Variants in TIMM44 observed in about 807,000 individuals in gnomAD.
TIMM44 encodes the protein translocase of inner mitochondrial membrane 44.
TIMM44 carries 37 observed loss-of-function variants against 63.8 expected under a neutral mutation model. The observed-to-expected ratio is 0.58, with a 90% CI of 0.45 to 0.76. The LOEUF (loss-of-function observed/expected upper bound fraction) is 0.76, where lower values mean the gene tolerates loss of function less well. Ranked by LOEUF, TIMM44 falls within the 30% of genes least tolerant of loss-of-function variation. The pLI, the probability that TIMM44 is intolerant of heterozygous loss-of-function variation, is 0.00. For missense variants in TIMM44, 573 were observed against 603.8 expected, an observed-to-expected ratio of 0.95 and a Z score of 0.54; for synonymous variants, 239 against 245.1, an observed-to-expected ratio of 0.98 and a Z score of 0.23.
In TIMM44 at chr19:7,927,252, G is replaced by C. The variant is rs1416690096; in HGVS notation, c.1294C>G (p.Leu432Val). 6.2e-7 allele frequency: 1 copy of C among 1,612,490 alleles called. No individual in the cohort carries two copies. The highest frequency in any genetic ancestry group is 8.5e-7 in the Non-Finnish European group (1 of 1,179,966). ...AGCCGCCAGGCCGCGTAGGGGTTGA[G>C]CTCGTCCTGGTCTCGGCAGAGCGCC... ...VWALCRDQDELNPYAAWRLLD... is the reference protein window; with the variant it reads ...VWALCRDQDEVNPYAAWRLLD... The change falls in exon 13 of 13, where the codon CTC (leucine) becomes GTC (valine). Residue 432 changes from leucine to valine, a missense_variant. By Grantham distance (32) the Leu-to-Val change is conservative. Coordinates refer to ENST00000270538, the MANE Select transcript of TIMM44 (RefSeq NM_006351.4).
Position 7,938,018 on chromosome 19 carries a change from G to A in TIMM44, c.312+9C>T. On this transcript the variant is annotated intron_variant, in intron 3 of 12. Coordinates refer to ENST00000270538, the MANE Select transcript of TIMM44 (RefSeq NM_006351.4). ...GGGTGAGGGAAAAAAAAGCAGCAAA[G>A]AAACTCACGTATTTCCTTCTGGCCT... 2 of 1,613,948 alleles carry A rather than the reference G, an allele frequency of 1.2e-6. No individual in the cohort carries two copies. Among genetic ancestry groups the A allele is most frequent in the Non-Finnish European group, 1.7e-6 (2 of 1,179,944 alleles).
chr19:7,940,978 C>T, intron 2 of TIMM44, 124 bp downstream of exon 2: 1 of 761,256 alleles, frequency 1.3e-6, no homozygotes, highest in Non-Finnish European at 2.3e-6. Flanking sequence ...GCCCCGGACA[C>T]AGAAGGCCCA....
chr19:7,938,042 C>A lies in TIMM44; in HGVS notation c.297G>T (p.Glu99Asp). Residue 99 changes from glutamate to aspartate, a missense_variant, in exon 3 of 13, where the codon GAG (glutamate) becomes GAT (aspartate). Coordinates refer to ENST00000270538, the MANE Select transcript of TIMM44 (RefSeq NM_006351.4). ...AGAAACTCACGTATTTCCTTCTGGC[C>A]TCCTGGAGCACGTCTGATTCTTCTA... The part of the protein sequence containing the change: ...RRLEESDVLQ[E>D]ARRKYKTIES... The A allele has an allele frequency of 6.2e-7, 1 of 1,614,032 alleles. No homozygotes were observed. Among genetic ancestry groups the A allele is most frequent in the Non-Finnish European group, 8.5e-7 (1 of 1,180,008 alleles).
chr19:7,930,433 C>CCA (rs1196948284), intron 10 of TIMM44, among the ~76,000 whole-genome samples: 2 of 151,882 alleles, frequency 1.3e-5, no homozygotes, highest in Non-Finnish European at 2.9e-5. Flanking sequence ...CTCAGCCTCC[C>CCA]CAGTAGCTGG....
At position 7,927,743 on chromosome 19, in the gene TIMM44, G is replaced by A; in HGVS notation, c.1153C>T (p.Gln385Ter). 1 of 1,612,308 alleles carries A rather than the reference G, an allele frequency of 6.2e-7. No homozygotes were observed. The highest frequency in any genetic ancestry group is 8.5e-7 in the Non-Finnish European group (1 of 1,179,998). Residue 385 changes from glutamine (Q) to a stop codon, truncating the protein, a stop_gained, in exon 12 of 13, where the codon CAG becomes TAG. Coordinates refer to ENST00000270538, the MANE Select transcript of TIMM44 (RefSeq NM_006351.4). LOFTEE classifies it high-confidence loss of function. ...AAGGTGATGATCAGCACCGGCCCCTGCTCCATCATCTTGCCCATGGCCAGC... is the reference window on the plus strand; with the variant it reads ...AAGGTGATGATCAGCACCGGCCCCTACTCCATCATCTTGCCCATGGCCAGC... ...VDLAMGKMME[Q>*]GPVLIITFQA...
chr19:7,932,482 C>G, intron 9 of TIMM44, 145 bp downstream of exon 9: 2 of 1,170,218 alleles, frequency 1.7e-6, no homozygotes, highest in South Asian at 1.4e-5. Context: ...TGCAGCCGGG[C>G]AGGAGCCCGT....
chr19:7,942,182 A>G (rs1599653098), intron 1 of TIMM44, among the ~76,000 whole-genome samples: 1 of 152,098 alleles, frequency 6.6e-6, no homozygotes, highest in East Asian at 1.9e-4. Context: ...TCCCGTCTCT[A>G]CCAAAAATAC....
At chr19:7,939,682 G>A (rs997972080) in intron 2 of TIMM44, among the ~76,000 whole-genome samples, 7 of 150,786 alleles carry the variant, frequency 4.6e-5, no homozygotes, top group Admixed American at 6.6e-5. Context: ...TTGGGAGACC[G>A]AGGTGGGCGG....
In TIMM44 at chr19:7,933,924, C is replaced by T. The variant is rs771028040; in HGVS notation, c.623G>A (p.Arg208Gln). 19 of 1,614,042 alleles carry T rather than the reference C, an allele frequency of 1.2e-5. No homozygotes were observed. The Admixed American group carries it at 1.3e-4, about 11-fold the overall frequency. Residue 208 changes from arginine to glutamine, a missense_variant, in exon 6 of 13, where the codon CGG (arginine) becomes CAG (glutamine). Arg to Gln is a conservative substitution (Grantham distance 43). Coordinates refer to ENST00000270538, the MANE Select transcript of TIMM44 (RefSeq NM_006351.4). This position sits in a 1 kb window ranked among gnomAD's most constrained non-coding sequence, Gnocchi z 4.3. The stretch of plus-strand genomic sequence containing the variant: ...ATCTCCCGCAAACTCCGTTCTCTTC[C>T]GGAGTCGCTGGGGCCTCCGGTAGGG... ...TGPYRRPQRLRKRTEFAGDKF... is the reference protein window; with the variant it reads ...TGPYRRPQRLQKRTEFAGDKF...
Position 7,941,095 on chromosome 19 carries a change from C to A in TIMM44, c.141+7G>T. On this transcript the variant is annotated splice_region_variant and intron_variant, in intron 2 of 12. Coordinates refer to ENST00000270538, the MANE Select transcript of TIMM44 (RefSeq NM_006351.4). ...GTCTGCTGGCCCGAGCATCCTGAGTCACTCACCAGTGGCAGCTCTCCGCCC... is the reference window on the plus strand; with the variant it reads ...GTCTGCTGGCCCGAGCATCCTGAGTAACTCACCAGTGGCAGCTCTCCGCCC... 6.2e-7 allele frequency: 1 copy of A among 1,612,742 alleles called. No homozygotes were observed. The highest frequency in any genetic ancestry group is 1.1e-5 in the South Asian group (1 of 91,004).
intron 10 of TIMM44, 36 bp downstream of exon 10, chr19:7,931,102 T>TAAAA: frequency 1.4e-6 from 2 of 1,399,100 alleles, no homozygotes; most frequent in African/African-American, 1.5e-5. Context: ...TTTTAGGCCT[T>TAAAA]AAAAAAAAAA....
chr19:7,932,679 T>C lies in TIMM44; in HGVS notation c.935A>G (p.Lys312Arg). 6.2e-7 allele frequency: 1 copy of C among 1,614,128 alleles called. No homozygotes were observed. Residue 312 changes from lysine (K) to arginine (R), a missense_variant, in exon 9 of 13, where the codon AAG (lysine) becomes AGG (arginine). Coordinates refer to ENST00000270538, the MANE Select transcript of TIMM44 (RefSeq NM_006351.4). ...CTCGCACTGTTTCAGAAACCGGTCC[T>C]TGTCAAAGGCCGGGTCCACCCGGAG... Reference protein sequence around the residue: ...EILRVDPAFDKDRFLKQCEND... With the variant: ...EILRVDPAFDRDRFLKQCEND...
chr19:7,942,136 C>T (rs1444759092), intron 1 of TIMM44, among the ~76,000 whole-genome samples: 1 of 152,134 alleles, frequency 6.6e-6, no homozygotes, highest in South Asian at 2.1e-4. Flanking sequence ...ATCACCCGGT[C>T]AGGAGTTCGA....
At chr19:7,942,335 A>T (rs900319657) in intron 1 of TIMM44, among the ~76,000 whole-genome samples, 1 of 152,034 alleles carries the variant, frequency 6.6e-6, no homozygotes, top group African/African-American at 2.4e-5. Flanking sequence ...CATGCCTGTA[A>T]TCCCGATACT....
In TIMM44 at chr19:7,934,779, TC is replaced by T. The variant is rs1468426834; in HGVS notation, c.393+285del. On this transcript the variant is annotated intron_variant, in intron 4 of 12. Coordinates refer to ENST00000270538, the MANE Select transcript of TIMM44 (RefSeq NM_006351.4). The surrounding 1 kb of genome is among the most constrained non-coding windows in gnomAD (Gnocchi z 5.3). ...CGGGAGGGGGTGGAAGCGGCCCCTC[TC>T]CTCCTATTTTTAGGCAGGAAAAACA... Among the ~76,000 whole-genome samples, 1 of 152,114 alleles carries T rather than the reference TC, an allele frequency of 6.6e-6. No individual in the cohort carries two copies. The highest frequency in any genetic ancestry group is 2.4e-5 in the African/African-American group (1 of 41,428).
intron 10 of TIMM44, among the ~76,000 whole-genome samples, chr19:7,929,218 G>A (rs1176259072): frequency 1.3e-5 from 2 of 152,202 alleles, no homozygotes; most frequent in African/African-American, 4.8e-5. Flanking sequence ...CAGGGACAGG[G>A]AGGCTGCCAG....
At chr19:7,927,392 G>T in intron 12 of TIMM44, 86 bp from the exon 13 acceptor site, 1 of 1,532,648 alleles carries the variant, frequency 6.5e-7, no homozygotes, top group South Asian at 1.1e-5. Context: ...TGTGGGGCAG[G>T]AGCCACCGGC....
In TIMM44 at chr19:7,943,491, T is replaced by A. The variant is rs1274775448; in HGVS notation, c.45+116A>T. On this transcript the variant is annotated intron_variant, in intron 1 of 12. Coordinates refer to ENST00000270538, the MANE Select transcript of TIMM44 (RefSeq NM_006351.4). This position sits in a 1 kb window ranked among gnomAD's most constrained non-coding sequence, Gnocchi z 4.3. Reference sequence around the variant, plus strand: ...GCTACCCAAAGATCTAACCCCAAGCTTTCTAAGGAGCCCAAGCAAGGGTCG... The same window carrying A: ...GCTACCCAAAGATCTAACCCCAAGCATTCTAAGGAGCCCAAGCAAGGGTCG... 17 of 1,251,000 alleles carry A rather than the reference T, an allele frequency of 1.4e-5. No homozygotes were observed. The highest frequency in any genetic ancestry group is 1.9e-5 in the Non-Finnish European group (17 of 888,336). The allele number at this position is 1,251,000 out of a possible 1,614,324, so 77.5% of individuals were successfully genotyped here. A position where few individuals can be genotyped will look rare whatever the true frequency, so the allele number is the denominator to read the frequency against.
At position 7,935,094 on chromosome 19, in the gene TIMM44, G is replaced by A. The variant is rs750857664; in HGVS notation, c.364C>T (p.Leu122Phe). ...VRTSEVLRKK[L>F]GELTGTVKES... ...TTCACGGTGCCCGTCAGCTCCCCAA[G>A]CTTCTTCCGTAGCACCTCGCTCGTC... The change falls in exon 4 of 13, where the codon CTT becomes TTT. Residue 122 changes from leucine to phenylalanine, a missense_variant. Physicochemically the swap from Leu to Phe is conservative, Grantham distance 22. Transcript: ENST00000270538. 8.1e-6 allele frequency: 13 copies of A among 1,613,246 alleles called. No individual in the cohort carries two copies. The Middle Eastern group carries it at 1.5e-3, about 185-fold the overall frequency.
Sources: allele counts gnomAD v4.1 joint callset (sites outside exome capture counted in the v4.1 genomes callset), GRCh38; gene constraint gnomAD v4.1.1; non-coding constraint Gnocchi (gnomAD v3.1); transcripts MANE v1.5; gene names NCBI Gene and HGNC (gene_info 2026-07-23, HGNC 2026-07-21).